The following ZNF808 variants were observed in gnomAD, a reference collection of about 807,000 sequenced individuals.
ZNF808 encodes zinc finger protein 808.
Under a neutral mutation model 8.7 loss-of-function variants are expected in ZNF808, and 5 were observed. The observed-to-expected ratio is 0.58, with a 90% CI of 0.30 to 1.21. ZNF808 has a LOEUF of 1.21. Ranked by LOEUF, ZNF808 falls within the 50% of genes most tolerant of loss-of-function variation. The pLI, the probability that ZNF808 is intolerant of heterozygous loss-of-function variation, is 0.07. For missense variants in ZNF808, 1,103 were observed against 1,098.4 expected, an observed-to-expected ratio of 1.00 and a Z score of -0.06; for synonymous variants, 380 against 366.0, an observed-to-expected ratio of 1.04 and a Z score of -0.44.
intron 2 of ZNF808, among the ~76,000 whole-genome samples, chr19:52,535,249 T>C (rs534916271): frequency 1.4e-5 from 2 of 138,310 alleles, no homozygotes; most frequent in South Asian, 4.4e-4. Context: ...GAGAATTGCG[T>C]GAACCCGGGA....
rs1261001971 is a variant in ZNF808 at position 52,554,773 on chromosome 19, A to G, written c.1857A>G (p.Gly619=). 6.2e-7 allele frequency: 1 copy of G among 1,613,794 alleles called. No individual in the cohort carries two copies. The highest frequency in any genetic ancestry group is 1.3e-5 in the African/African-American group (1 of 74,850). The part of the protein sequence containing the change: ...ALESHKRIHT[G]EKPYRCQVCD... ...AGTCACATAAGAGAATTCATACTGG[A>G]GAGAAACCATACAGATGTCAGGTTT... Residue 619 remains glycine (G), a synonymous_variant, in exon 5 of 5, where the codon GGA becomes GGG. Coordinates refer to ENST00000359798, the MANE Select transcript of ZNF808 (RefSeq NM_001039886.4).
intron 2 of ZNF808, among the ~76,000 whole-genome samples, chr19:52,541,193 G>A (rs2059666724): frequency 6.7e-6 from 1 of 150,052 alleles, no homozygotes. Context: ...TTTGTGATCT[G>A]CCCGCCTCAG....
At position 52,555,606 on chromosome 19, in the gene ZNF808, A is replaced by G. The variant is rs377338426; in HGVS notation, c.2690A>G (p.His897Arg). ...ACACTTATTCACCATCAGGCAATTC[A>G]TGGTATAGGGAAATTTGATTAATAT... ...RSTLIHHQAIHGIGKFD is the reference protein window; with the variant it reads ...RSTLIHHQAIRGIGKFD The change falls in exon 5 of 5, where the codon CAT becomes CGT. Residue 897 changes from histidine (H) to arginine (R), a missense_variant. Coordinates refer to ENST00000359798, the MANE Select transcript of ZNF808 (RefSeq NM_001039886.4). 17 of 1,604,950 alleles carry G rather than the reference A, an allele frequency of 1.1e-5. No homozygotes were observed. Among genetic ancestry groups the G allele is most frequent in the Admixed American group, 6.8e-5 (4 of 59,038 alleles).
chr19:52,556,457 G>A (rs1468905024), downstream of ZNF808: 2 of 152,962 alleles, frequency 1.3e-5, no homozygotes, highest in East Asian at 3.9e-4. Flanking sequence ...CTCCCTAGTT[G>A]CTGGGATTAC....
intron 3 of ZNF808, among the ~76,000 whole-genome samples, chr19:52,561,520 T>G (rs2059858192): frequency 6.6e-6 from 1 of 152,036 alleles, no homozygotes; most frequent in Admixed American, 6.6e-5. Flanking sequence ...GCTGTACTTA[T>G]TTGAGAAATA....
chr19:52,541,815 A>G (rs1246510375), intron 2 of ZNF808, among the ~76,000 whole-genome samples: 1 of 152,092 alleles, frequency 6.6e-6, no homozygotes, highest in African/African-American at 2.4e-5. Flanking sequence ...CCTGAGCTCT[A>G]CAATCCTGTG....
At position 52,538,385 on chromosome 19, in the gene ZNF808, C is replaced by A. The variant is rs572103293; in HGVS notation, c.-19-4881C>A. On this transcript the variant is annotated intron_variant, in intron 2 of 4. Transcript: ENST00000359798. ...GAGGTGGAGTTTCACTCCTGTTGCC[C>A]AGGCTGGAGTGCAATGGCACAATCT... Among the ~76,000 whole-genome samples, 3 of 151,384 alleles carry A rather than the reference C, an allele frequency of 2.0e-5. No individual in the cohort carries two copies. In the South Asian group the frequency reaches 6.3e-4, roughly 32 times the overall value.
At chr19:52,531,696 C>G (rs1473982437) in intron 1 of ZNF808, among the ~76,000 whole-genome samples, 1 of 152,064 alleles carries the variant, frequency 6.6e-6, no homozygotes, top group Admixed American at 6.6e-5. Flanking sequence ...TTGTTTTATA[C>G]AATGTTTTCT....
chr19:52,543,789 G>C (rs553326643), intron 3 of ZNF808, among the ~76,000 whole-genome samples: 4 of 152,186 alleles, frequency 2.6e-5, no homozygotes, highest in South Asian at 4.1e-4. Flanking sequence ...TTTTGTATCT[G>C]ATTTGGTAAT....
chr19:52,555,748 A>G lies in ZNF808; in HGVS notation c.*120A>G, dbSNP rs1301693757. On this transcript the variant is annotated 3_prime_UTR_variant, in exon 5 of 5. Coordinates refer to ENST00000359798, the MANE Select transcript of ZNF808 (RefSeq NM_001039886.4). Reference sequence around the variant, plus strand: ...GTGGCATGTTTTTCAGACATTGTTCATACATTGCAGTTCATTGGCAACCTC... The same window carrying G: ...GTGGCATGTTTTTCAGACATTGTTCGTACATTGCAGTTCATTGGCAACCTC... The G allele has an allele frequency of 6.2e-6, 9 of 1,441,290 alleles. No individual in the cohort carries two copies. Among genetic ancestry groups the G allele is most frequent in the African/African-American group, 1.4e-5 (1 of 71,018 alleles). 89.3% of individuals were successfully genotyped at this position (1,441,290 alleles called of 1,614,324 possible).
intron 3 of ZNF808, among the ~76,000 whole-genome samples, chr19:52,562,726 T>C (rs1265883012): frequency 1.3e-5 from 2 of 152,220 alleles, no homozygotes; most frequent in East Asian, 3.9e-4. Flanking sequence ...CTGGCTGTTA[T>C]ATAACTGTAG....
downstream of ZNF808, among the ~76,000 whole-genome samples, chr19:52,567,198 C>T (rs2059874992): frequency 6.6e-6 from 1 of 151,996 alleles, no homozygotes; most frequent in East Asian, 1.9e-4. Context: ...GTGATGCCCC[C>T]ACGTCGGCCT....
rs185183233 is a variant in ZNF808 at position 52,555,695 on chromosome 19, G to A, written c.*67G>A. Reference sequence around the variant, plus strand: ...TGCAAATCATTGGAGAATCCATGATGAAGAGAAATCTTCTGAGTGTAATAA... The same window carrying A: ...TGCAAATCATTGGAGAATCCATGATAAAGAGAAATCTTCTGAGTGTAATAA... On this transcript the variant is annotated 3_prime_UTR_variant, in exon 5 of 5. Coordinates refer to ENST00000359798, the MANE Select transcript of ZNF808 (RefSeq NM_001039886.4). 10 of 1,551,950 alleles carry A rather than the reference G, an allele frequency of 6.4e-6. No homozygotes were observed. The Admixed American group carries it at 1.1e-4, about 17-fold the overall frequency.
At chr19:52,537,660 C>T (rs1392314039) in intron 2 of ZNF808, among the ~76,000 whole-genome samples, 1 of 150,304 alleles carries the variant, frequency 6.7e-6, no homozygotes, top group African/African-American at 2.5e-5. Flanking sequence ...TGTACTCCAG[C>T]CTGGTCAAAA....
chr19:52,567,489 A>T (rs1446834006), downstream of ZNF808, among the ~76,000 whole-genome samples: 43 of 12,186 alleles, frequency 3.5e-3, no homozygotes, highest in Non-Finnish European at 6.8e-3. Flanking sequence ...TGTATTTTTT[A>T]TTATTATTAT....
downstream of ZNF808, among the ~76,000 whole-genome samples, chr19:52,566,067 T>C (rs893990024): frequency 6.6e-5 from 10 of 152,260 alleles, no homozygotes; most frequent in Non-Finnish European, 1.3e-4. Flanking sequence ...AGTTCCAAAA[T>C]CTCAACTCCT....
At chr19:52,539,204 T>TTA (rs3049211) in intron 2 of ZNF808, among the ~76,000 whole-genome samples, 7 of 141,540 alleles carry the variant, frequency 4.9e-5, no homozygotes, top group South Asian at 2.2e-4. Context: ...TTTTTTTTTT[T>TTA]AATTTTTGAG....
downstream of ZNF808, among the ~76,000 whole-genome samples, chr19:52,567,480 GTATTTTTTAT>G (rs1268675465): frequency 1.9e-5 from 2 of 105,620 alleles, no homozygotes; most frequent in African/African-American, 7.2e-5. Context: ...TTGTCCAGCT[GTATTTTTTAT>G]TATTATTATT....
At position 52,547,447 on chromosome 19, in the gene ZNF808, A is replaced by G. The variant is rs1600006381; in HGVS notation, c.64-65A>G. The G allele has an allele frequency of 1.9e-6, 3 of 1,605,822 alleles. No individual in the cohort carries two copies. The East Asian group carries it at 6.7e-5, about 36-fold the overall frequency. ...ATAAATACTTATTTTCCCTTTTCTC[A>G]TTTCCTGTGAAGGTGATAACTCAAT... On this transcript the variant is annotated intron_variant, in intron 3 of 4. Coordinates refer to ENST00000359798, the MANE Select transcript of ZNF808 (RefSeq NM_001039886.4).
Sources: allele counts gnomAD v4.1 joint callset (sites outside exome capture counted in the v4.1 genomes callset), GRCh38; gene constraint gnomAD v4.1.1; transcripts MANE v1.5; gene names NCBI Gene and HGNC (gene_info 2026-07-23, HGNC 2026-07-21).